The following KIF18A variants were observed in gnomAD, a reference collection of about 807,000 sequenced individuals.
The protein encoded by KIF18A is kinesin-like protein KIF18A.
A neutral mutation model predicts 103.3 loss-of-function variants in KIF18A; 67 were observed. The ratio of observed to expected loss-of-function variants is 0.65; its 90% CI spans 0.53 to 0.79. The LOEUF is 0.79. Among genes scored for constraint, KIF18A ranks in the 30% least tolerant of loss-of-function variants. The pLI is 0.00. For synonymous variants in KIF18A, 367 were observed against 355.5 expected (o/e 1.03, Z -0.36); for missense variants, 1,032 against 1,062.5 (o/e 0.97, Z 0.40).
intron 13 of KIF18A, among the ~76,000 whole-genome samples, chr11:28,038,522 T>C (rs1258053365): frequency 6.6e-6 from 1 of 151,688 alleles, no homozygotes. Context: ...ATATTTACTT[T>C]ACTGTATAAT....
chr11:28,060,145 A>G (rs1329043164), intron 12 of KIF18A, among the ~76,000 whole-genome samples: 1 of 152,230 alleles, frequency 6.6e-6, no homozygotes, highest in Non-Finnish European at 1.5e-5. Flanking sequence ...TGTTCATTGA[A>G]GAAATGTCAC....
At chr11:28,044,473 C>T (rs1346695751) in intron 13 of KIF18A, among the ~76,000 whole-genome samples, 1 of 151,984 alleles carries the variant, frequency 6.6e-6, no homozygotes. Context: ...AATAGTTTAG[C>T]AAACATTTTT....
At chr11:28,066,030 A>T (rs1850917551) in intron 11 of KIF18A, among the ~76,000 whole-genome samples, 1 of 151,998 alleles carries the variant, frequency 6.6e-6, no homozygotes. Flanking sequence ...TGCCAACTAT[A>T]AGGGGTAAAT....
At chr11:28,075,000 G>A (rs1217562616) in intron 10 of KIF18A, among the ~76,000 whole-genome samples, 1 of 152,000 alleles carries the variant, frequency 6.6e-6, no homozygotes, top group African/African-American at 2.4e-5. Context: ...ACACGTTTAG[G>A]TATATATTTA....
At chr11:28,099,877 TAATC>T (rs1044733017) in intron 1 of KIF18A, among the ~76,000 whole-genome samples, 3 of 152,140 alleles carry the variant, frequency 2.0e-5, no homozygotes, top group Non-Finnish European at 4.4e-5. Context: ...AGGAGTGACA[TAATC>T]TATCACTCTC....
intron 13 of KIF18A, 31 bp from the exon 14 acceptor site, chr11:28,036,695 T>C: frequency 7.3e-7 from 1 of 1,370,036 alleles, no homozygotes. Flanking sequence ...AGACACTCGA[T>C]AATGTTTCCT....
In KIF18A at chr11:28,084,699, G is replaced by C. The variant is rs1361659135; in HGVS notation, c.1007C>G (p.Ser336Cys). The change falls in exon 7 of 17, where the codon TCT (serine) becomes TGT (cysteine). Residue 336 changes from serine (S) to cysteine (C), a missense_variant. Coordinates refer to ENST00000263181, the MANE Select transcript of KIF18A (RefSeq NM_031217.4). ...TIMIAAVSPSSVFYDDTYNTL... is the reference protein window; with the variant it reads ...TIMIAAVSPSCVFYDDTYNTL... Reference sequence around the variant, plus strand: ...GTTATATGTGTCATCGTAGAATACAGAGGAAGGACTAACAGCAGCTATCAT... The same window carrying C: ...GTTATATGTGTCATCGTAGAATACACAGGAAGGACTAACAGCAGCTATCAT... The C allele has an allele frequency of 6.2e-7, 1 of 1,612,578 alleles. No homozygotes were observed. Among genetic ancestry groups the C allele is most frequent in the Admixed American group, 1.7e-5 (1 of 60,018 alleles).
At chr11:28,107,263 C>G (rs1486131914) in intron 1 of KIF18A, among the ~76,000 whole-genome samples, 1 of 151,980 alleles carries the variant, frequency 6.6e-6, no homozygotes, top group East Asian at 1.9e-4. Flanking sequence ...TATCCATAAT[C>G]TAAACTATAT....
intron 15 of KIF18A, 131 bp from the exon 16 acceptor site, chr11:28,023,981 T>G: frequency 2.0e-6 from 1 of 491,630 alleles, no homozygotes; most frequent in Non-Finnish European, 3.6e-6. Flanking sequence ...CTCACAGAAG[T>G]GGAGGTACTA....
In KIF18A at chr11:28,023,815, T is replaced by C; in HGVS notation, c.2540A>G (p.Asn847Ser). The change falls in exon 16 of 17, where the codon AAT becomes AGT. Residue 847 changes from asparagine to serine, a missense_variant. Asn to Ser is a conservative substitution (Grantham distance 46). Coordinates refer to ENST00000263181, the MANE Select transcript of KIF18A (RefSeq NM_031217.4). The part of the protein sequence containing the change: ...TSNSSLTADV[N>S]SGFAKRVRQD... Reference sequence around the variant, plus strand: ...TCGAACACGTTTGGCAAATCCAGAATTTACGTCTGCAGTTAACGAACTGTT... The same window carrying C: ...TCGAACACGTTTGGCAAATCCAGAACTTACGTCTGCAGTTAACGAACTGTT... 2 of 1,613,054 alleles carry C rather than the reference T, an allele frequency of 1.2e-6. No individual in the cohort carries two copies.
At chr11:28,079,683 A>C (rs1306821361) in intron 9 of KIF18A, among the ~76,000 whole-genome samples, 1 of 152,088 alleles carries the variant, frequency 6.6e-6, no homozygotes, top group Non-Finnish European at 1.5e-5. Flanking sequence ...AATTTTAATG[A>C]AAGTTGAACA....
chr11:28,060,251 A>G (rs1850841374), intron 12 of KIF18A, among the ~76,000 whole-genome samples: 1 of 152,238 alleles, frequency 6.6e-6, no homozygotes, highest in South Asian at 2.1e-4. Flanking sequence ...GAAATGATTC[A>G]GTCCTGGAAT....
chr11:28,076,270 C>T (rs1851090138), intron 10 of KIF18A, among the ~76,000 whole-genome samples: 2 of 152,136 alleles, frequency 1.3e-5, no homozygotes, highest in South Asian at 4.1e-4. Context: ...TGCCCTGGCA[C>T]ATCTAACAAT....
intron 11 of KIF18A, among the ~76,000 whole-genome samples, chr11:28,067,960 A>G (rs1446935896): frequency 6.6e-6 from 1 of 152,168 alleles, no homozygotes; most frequent in Non-Finnish European, 1.5e-5. Context: ...ATAAAGACAC[A>G]TGCACACATA....
intron 12 of KIF18A, among the ~76,000 whole-genome samples, chr11:28,059,366 G>T (rs984406018): frequency 6.6e-6 from 1 of 152,118 alleles, no homozygotes; most frequent in Admixed American, 6.6e-5. Flanking sequence ...TCTGTAATGT[G>T]AGGGACAGAT....
At chr11:28,062,549 C>T (rs1259044847) in intron 11 of KIF18A, 33 bp from the exon 12 acceptor site, 1 of 1,571,646 alleles carries the variant, frequency 6.4e-7, no homozygotes, top group Non-Finnish European at 8.7e-7. Context: ...TACTTCAGAT[C>T]ACTCTAAGAA....
chr11:28,023,580 T>C (rs949096002), intron 16 of KIF18A, among the ~76,000 whole-genome samples, 161 bp downstream of exon 16: 4 of 152,290 alleles, frequency 2.6e-5, no homozygotes, highest in African/African-American at 9.6e-5. Flanking sequence ...TGTTTTAAAG[T>C]TTCCTTATCT....
At chr11:28,045,024 C>T (rs539409167) in intron 13 of KIF18A, among the ~76,000 whole-genome samples, 29 of 151,900 alleles carry the variant, frequency 1.9e-4, no homozygotes, top group African/African-American at 6.5e-4. Flanking sequence ...AAAAAGTAAA[C>T]AAAGTTTGGA....
chr11:28,065,342 A>T (rs1850904512), intron 11 of KIF18A, among the ~76,000 whole-genome samples: 2 of 152,044 alleles, frequency 1.3e-5, no homozygotes, highest in South Asian at 4.1e-4. Flanking sequence ...ATATCTGCAC[A>T]AAAAAGAATT....
Sources: allele counts gnomAD v4.1 joint callset (sites outside exome capture counted in the v4.1 genomes callset), GRCh38; gene constraint gnomAD v4.1.1; transcripts MANE v1.5; gene names NCBI Gene and HGNC (gene_info 2026-07-23, HGNC 2026-07-21).